Variants in OPCML observed in about 807,000 individuals in gnomAD.
OPCML encodes the protein opioid binding protein/cell adhesion molecule like, also known as opioid-binding protein/cell adhesion molecule.
In OPCML, 13 loss-of-function variants were observed where a neutral mutation model predicts 37.8. The ratio of observed to expected loss-of-function variants is 0.34; its 90% CI spans 0.22 to 0.55. The LOEUF (loss-of-function observed/expected upper bound fraction) is 0.55. Ranked by LOEUF, OPCML falls within the 20% of genes least tolerant of loss-of-function variation. The pLI is 0.91. For missense variants in OPCML, 341 were observed against 435.6 expected (o/e 0.78, Z 1.93); for synonymous variants, 176 against 168.8 (o/e 1.04, Z -0.33).
At chr11:133,510,609 G>A (rs1948134627) in intron 1 of OPCML, among the ~76,000 whole-genome samples, 1 of 152,108 alleles carries the variant, frequency 6.6e-6, no homozygotes, top group African/African-American at 2.4e-5. Context: ...CTTTAATTGT[G>A]TCCTGCAGTG....
chr11:133,371,920 A>T (rs1458001518), intron 1 of OPCML, among the ~76,000 whole-genome samples: 1 of 152,220 alleles, frequency 6.6e-6, no homozygotes, highest in African/African-American at 2.4e-5. Context: ...GAAGACAGGC[A>T]CAGAAAGACA....
chr11:133,502,425 G>A (rs1305074972), intron 1 of OPCML, among the ~76,000 whole-genome samples: 1 of 152,182 alleles, frequency 6.6e-6, no homozygotes, highest in African/African-American at 2.4e-5. Flanking sequence ...CGGCTGACAA[G>A]CTCCCTGGGA....
chr11:132,533,864 C>T (rs1302381952), intron 3 of OPCML, among the ~76,000 whole-genome samples: 2 of 152,158 alleles, frequency 1.3e-5, no homozygotes, highest in East Asian at 3.9e-4. Flanking sequence ...TTCTCTTCTT[C>T]CCAAGACAAT....
chr11:133,458,279 C>A (rs28789452), intron 1 of OPCML, among the ~76,000 whole-genome samples: 7 of 40,862 alleles, frequency 1.7e-4, no homozygotes, highest in African/African-American at 1.5e-3. Flanking sequence ...TATATACACA[C>A]ATATATACAC....
intron 2 of OPCML, among the ~76,000 whole-genome samples, chr11:132,918,653 T>A (rs1396403979): frequency 6.6e-6 from 1 of 152,234 alleles, no homozygotes; most frequent in Non-Finnish European, 1.5e-5. Context: ...TTTCTTAAAC[T>A]CTTAAGAACC....
At chr11:133,257,868 T>G (rs1941366628) in intron 1 of OPCML, among the ~76,000 whole-genome samples, 1 of 151,964 alleles carries the variant, frequency 6.6e-6, no homozygotes. Flanking sequence ...TTTTTAACTT[T>G]CCTCCAGGAG....
At chr11:132,878,648 G>GAT (rs1027480931) in intron 2 of OPCML, among the ~76,000 whole-genome samples, 13 of 152,098 alleles carry the variant, frequency 8.5e-5, no homozygotes, top group South Asian at 8.3e-4. Context: ...TGTACATATA[G>GAT]ATATATATGT....
At chr11:133,421,846 T>C (rs764034344) in intron 1 of OPCML, 42 of 836,472 alleles carry the variant, frequency 5.0e-5, no homozygotes, top group Non-Finnish European at 6.0e-5. Context: ...CCATCCCTAC[T>C]GTAACCTCTC....
rs187439564 is a variant in OPCML, at chr11:132,893,981, C to T, written c.146+48945G>A. 1.8e-3 allele frequency among the ~76,000 whole-genome samples: 267 copies of T among 152,302 alleles called. 1 individual carries two copies. The highest frequency in any genetic ancestry group is 6.8e-3 in the Middle Eastern group (2 of 294). On this transcript the variant is annotated intron_variant, in intron 2 of 7. Transcript: ENST00000524381. ...TGCGTCTTTACATCACACACACACA[C>T]AAGCACATGCCACACCACAATTTAC...
Position 132,667,883 on chromosome 11 carries a change from T to G in OPCML, c.147-10564A>C, listed in dbSNP as rs569643820. ...TGGTCAAGAATTTGTAGTGACAATA[T>G]TCTGCTAGCTTTGAGAATATTCTCC... On this transcript the variant is annotated intron_variant, in intron 2 of 7. Coordinates refer to ENST00000524381, the MANE Select transcript of OPCML (RefSeq NM_001012393.5). Among the ~76,000 whole-genome samples the G allele has an allele frequency of 5.0e-4, 76 of 152,362 alleles. No individual in the cohort carries two copies. In the South Asian group the frequency reaches 0.016, roughly 32 times the overall value.
At chr11:133,499,754 C>T (rs1947864037) in intron 1 of OPCML, among the ~76,000 whole-genome samples, 1 of 146,084 alleles carries the variant, frequency 6.8e-6, no homozygotes, top group Non-Finnish European at 1.5e-5. Flanking sequence ...ATGACCAACA[C>T]CACCAGCAGA....
intron 1 of OPCML, among the ~76,000 whole-genome samples, chr11:132,955,295 C>T (rs535571157): frequency 5.2e-4 from 79 of 152,216 alleles, no homozygotes; most frequent in Admixed American, 1.4e-3. Context: ...CACAGCATTT[C>T]GTACACTGTT....
intron 1 of OPCML, among the ~76,000 whole-genome samples, chr11:133,449,507 G>C (rs1946536600): frequency 6.6e-6 from 1 of 152,194 alleles, no homozygotes; most frequent in Non-Finnish European, 1.5e-5. Context: ...GGCTTAATAG[G>C]ACAAACATTT....
In OPCML at chr11:133,063,124, T is replaced by C. The variant is rs561569212; in HGVS notation, c.62-120114A>G. ...TCAGTCCAGAGACCAGCCTTCGCAG[T>C]GTAAGTTTAGTTCCTATTCTGTCCC... On this transcript the variant is annotated intron_variant, in intron 1 of 7. Coordinates refer to ENST00000524381, the MANE Select transcript of OPCML (RefSeq NM_001012393.5). Among the ~76,000 whole-genome samples, 6 of 152,314 alleles carry C rather than the reference T, an allele frequency of 3.9e-5. No individual in the cohort carries two copies. The East Asian group carries it at 1.2e-3, about 29-fold the overall frequency.
At chr11:133,004,673 C>T (rs749589306) in intron 1 of OPCML, 2 of 985,430 alleles carry the variant, frequency 2.0e-6, no homozygotes, top group Non-Finnish European at 2.4e-6. Context: ...GGGACCATGC[C>T]CTCGCTCTCC....
At chr11:132,556,304 A>T (rs1436775930) in intron 3 of OPCML, among the ~76,000 whole-genome samples, 1 of 152,160 alleles carries the variant, frequency 6.6e-6, no homozygotes, top group Non-Finnish European at 1.5e-5. Context: ...TGAACTTAAG[A>T]TCATTTATAA....
intron 4 of OPCML, among the ~76,000 whole-genome samples, chr11:132,516,321 C>T (rs1338035120): frequency 6.6e-6 from 1 of 152,158 alleles, no homozygotes; most frequent in African/African-American, 2.4e-5. Flanking sequence ...TCCAAACATC[C>T]TTCACTCTGT....
chr11:132,505,284 A>G (rs1243278330), intron 4 of OPCML, among the ~76,000 whole-genome samples: 1 of 152,206 alleles, frequency 6.6e-6, no homozygotes, highest in African/African-American at 2.4e-5. Context: ...CAAAAATTCC[A>G]GGAAGACCGT....
chr11:132,835,765 C>T (rs1565898580), intron 2 of OPCML, among the ~76,000 whole-genome samples: 4 of 152,190 alleles, frequency 2.6e-5, no homozygotes, highest in Admixed American at 2.0e-4. Flanking sequence ...TCCAAGTGAA[C>T]GGCGGTGCCC....
Sources: gnomAD v4.1 joint callset for allele counts (sites outside exome capture counted in the v4.1 genomes callset) on GRCh38, gnomAD v4.1.1 for gene constraint, MANE v1.5 for transcripts, NCBI Gene and HGNC (gene_info 2026-07-23, HGNC 2026-07-21) for gene names.